The following TMEM273 variants were observed in gnomAD, a reference collection of about 807,000 sequenced individuals.
The protein encoded by TMEM273 is transmembrane protein 273, also known as chromosome 10 open reading frame 128.
TMEM273 carries 19 observed loss-of-function variants against 17.9 expected under a neutral mutation model. That is an observed-to-expected ratio of 1.06 (90% confidence interval 0.74 to 1.55). The LOEUF (loss-of-function observed/expected upper bound fraction) is 1.55. Ranked by LOEUF, TMEM273 falls within the 40% of genes most tolerant of loss-of-function variation. The probability of loss-of-function intolerance (pLI) is 0.00; values close to 1 mark genes in which losing one functional copy is unlikely to be tolerated. For synonymous variants in TMEM273, 66 were observed against 62.0 expected, an observed-to-expected ratio of 1.07 and a Z score of -0.31; for missense variants, 194 against 155.6, an observed-to-expected ratio of 1.25 and a Z score of -1.31.
At chr10:49,162,604 G>T (rs1398285521) in intron 5 of TMEM273, among the ~76,000 whole-genome samples, 2 of 152,158 alleles carry the variant, frequency 1.3e-5, no homozygotes, top group African/African-American at 4.8e-5. Flanking sequence ...GTGGTGAGAA[G>T]GTCACTGTGC....
chr10:49,157,897 G>C (rs1046782305), intron 6 of TMEM273, among the ~76,000 whole-genome samples: 4 of 152,168 alleles, frequency 2.6e-5, no homozygotes, highest in Non-Finnish European at 5.9e-5. Flanking sequence ...CTGTATTTTG[G>C]CAGGTGACAT....
At chr10:49,165,181 G>A (rs1302001013) in intron 5 of TMEM273, 24 bp downstream of exon 5, 1 of 1,534,544 alleles carries the variant, frequency 6.5e-7, no homozygotes, top group Non-Finnish European at 8.8e-7. Context: ...GAGAATGGTG[G>A]CTGGAGTCGA....
At chr10:49,167,114 C>G (rs1846246007) in intron 2 of TMEM273, 105 bp from the exon 3 acceptor site, 2 of 1,477,110 alleles carry the variant, frequency 1.4e-6, no homozygotes, top group Admixed American at 3.8e-5. Flanking sequence ...CACACCACCT[C>G]CCACTGGCTG....
intron 5 of TMEM273, among the ~76,000 whole-genome samples, chr10:49,163,233 A>G (rs1474020055): frequency 6.6e-6 from 1 of 152,170 alleles, no homozygotes; most frequent in African/African-American, 2.4e-5. Context: ...TGTTTCTTCT[A>G]TAAAAAGGAA....
In TMEM273 at chr10:49,184,795, G is replaced by A. The variant is rs376046134; in HGVS notation, c.43+3499C>T. ...GCAGGTGGGTTCCAGGAGGTGGGGC[G>A]AGAGGGCTCATCGAAGCCTCAGCCA... On this transcript the variant is annotated intron_variant, in intron 1 of 6. Transcript: ENST00000374153. 3.3e-5 allele frequency among the ~76,000 whole-genome samples: 5 copies of A among 152,220 alleles called. No homozygotes were observed. In the East Asian group the frequency reaches 7.7e-4, roughly 23 times the overall value.
intron 1 of TMEM273, among the ~76,000 whole-genome samples, chr10:49,173,645 A>G (rs912805053): frequency 2.6e-5 from 4 of 152,350 alleles, no homozygotes; most frequent in East Asian, 1.9e-4. Flanking sequence ...CATGAAGGCC[A>G]CAAACAACCC....
intron 5 of TMEM273, 32 bp downstream of exon 5, chr10:49,165,173 G>T: frequency 6.5e-7 from 1 of 1,531,028 alleles, no homozygotes; most frequent in Non-Finnish European, 8.8e-7. Flanking sequence ...AAAGAGAAGA[G>T]AATGGTGGCT....
At chr10:49,176,016 T>A (rs1846938332) in intron 1 of TMEM273, among the ~76,000 whole-genome samples, 1 of 152,148 alleles carries the variant, frequency 6.6e-6, no homozygotes, top group African/African-American at 2.4e-5. Flanking sequence ...GGGAAGGGTA[T>A]TTGAAACCAA....
rs1420480207 is a variant in TMEM273, at chr10:49,155,725, G to T, written c.*167C>A. ...AGGCATGATATTTTCCTTCAGGACAGAGGCACTGTATATTCTATTCCTTCT... is the reference window on the plus strand; with the variant it reads ...AGGCATGATATTTTCCTTCAGGACATAGGCACTGTATATTCTATTCCTTCT... On this transcript the variant is annotated 3_prime_UTR_variant, in exon 7 of 7. Coordinates refer to ENST00000374153, the MANE Select transcript of TMEM273 (RefSeq NM_001288740.3). 5 of 912,748 alleles carry T rather than the reference G, an allele frequency of 5.5e-6. No homozygotes were observed. In the African/African-American group the frequency reaches 8.2e-5, roughly 15 times the overall value. The allele number at this position is 912,748 out of a possible 1,614,324, so 56.5% of individuals were successfully genotyped here.
chr10:49,171,046 G>A (rs997513297), intron 1 of TMEM273, among the ~76,000 whole-genome samples: 6 of 152,222 alleles, frequency 3.9e-5, no homozygotes, highest in East Asian at 1.9e-4. Context: ...GGAAGCCCAC[G>A]AGGACCAGCA....
chr10:49,183,912 A>C (rs1002915663), intron 1 of TMEM273, among the ~76,000 whole-genome samples: 1 of 149,336 alleles, frequency 6.7e-6, no homozygotes, highest in African/African-American at 2.5e-5. Context: ...AGCAGTAGAT[A>C]TTTCATCTAT....
At chr10:49,158,696 A>C (rs1462300994) in intron 6 of TMEM273, among the ~76,000 whole-genome samples, 1 of 152,202 alleles carries the variant, frequency 6.6e-6, no homozygotes, top group Non-Finnish European at 1.5e-5. Flanking sequence ...CCTAGTACGC[A>C]CAGAAATTTA....
At chr10:49,175,915 C>T (rs908896494) in intron 1 of TMEM273, among the ~76,000 whole-genome samples, 10 of 152,286 alleles carry the variant, frequency 6.6e-5, no homozygotes, top group Middle Eastern at 3.4e-3. Context: ...GACACCCAGC[C>T]GACCCTACTC....
intron 1 of TMEM273, among the ~76,000 whole-genome samples, chr10:49,168,186 T>G (rs1461876059): frequency 6.6e-6 from 1 of 152,110 alleles, no homozygotes; most frequent in Non-Finnish European, 1.5e-5. Context: ...AGTCAGCCGT[T>G]CAGCACAGTT....
chr10:49,172,016 T>C (rs1846606964), intron 1 of TMEM273, among the ~76,000 whole-genome samples: 1 of 152,186 alleles, frequency 6.6e-6, no homozygotes, highest in Non-Finnish European at 1.5e-5. Context: ...TCTATAAGTA[T>C]TTGAACTAAA....
At chr10:49,157,081 T>C (rs778763028) in intron 6 of TMEM273, among the ~76,000 whole-genome samples, 1 of 152,146 alleles carries the variant, frequency 6.6e-6, no homozygotes, top group Non-Finnish European at 1.5e-5. Flanking sequence ...CAGGTGTTGA[T>C]AAGGAAGGGA....
intron 5 of TMEM273, among the ~76,000 whole-genome samples, chr10:49,164,663 C>T (rs778372509): frequency 5.3e-5 from 8 of 152,214 alleles, no homozygotes; most frequent in African/African-American, 7.2e-5. Context: ...TGTTTGTCAG[C>T]GGCAGGTTTT....
At chr10:49,178,062 C>T in intron 1 of TMEM273, 1 of 399,500 alleles carries the variant, frequency 2.5e-6, no homozygotes, top group South Asian at 1.8e-5. Flanking sequence ...AGTCTCCCTG[C>T]CTCCAACCCA....
At chr10:49,162,316 C>A (rs560311410) in intron 5 of TMEM273, among the ~76,000 whole-genome samples, 1 of 152,102 alleles carries the variant, frequency 6.6e-6, no homozygotes, top group Non-Finnish European at 1.5e-5. Context: ...TATACACAGG[C>A]AATAAATGCA....
Sources: allele counts gnomAD v4.1 joint callset (sites outside exome capture counted in the v4.1 genomes callset), GRCh38; gene constraint gnomAD v4.1.1; transcripts MANE v1.5; gene names NCBI Gene and HGNC (gene_info 2026-07-23, HGNC 2026-07-21).